WDR76: variants seen among roughly 807,000 people sequenced by gnomAD.
WDR76 encodes WD repeat domain 76.
Under a neutral mutation model 70.2 loss-of-function variants are expected in WDR76, and 52 were observed. That is an observed-to-expected ratio of 0.74 (90% CI 0.59 to 0.93). The LOEUF (loss-of-function observed/expected upper bound fraction) is 0.93, where lower values mean the gene tolerates loss of function less well. WDR76 is among the 40% of genes least tolerant of loss of function. The probability of loss-of-function intolerance (pLI) is 0.00; values close to 1 mark genes in which losing one functional copy is unlikely to be tolerated. For missense variants in WDR76, 756 were observed against 760.2 expected (o/e 0.99, Z 0.07); for synonymous variants, 292 against 271.1 (o/e 1.08, Z -0.76).
intron 2 of WDR76, among the ~76,000 whole-genome samples, chr15:43,833,930 C>A (rs1029495605): frequency 3.3e-5 from 5 of 152,086 alleles, no homozygotes; most frequent in African/African-American, 1.2e-4. Context: ...CCACCACACC[C>A]GGCCTGCCAT....
At chr15:43,861,832 A>ATTTTTTTT (rs898404641) in intron 12 of WDR76, among the ~76,000 whole-genome samples, 83 of 104,732 alleles carry the variant, frequency 7.9e-4, no homozygotes, top group Non-Finnish European at 1.2e-3. Context: ...GTATTTGTGT[A>ATTTTTTTT]TTTTTTTTTT....
intron 2 of WDR76, among the ~76,000 whole-genome samples, chr15:43,829,240 G>A (rs1296194328): frequency 1.3e-5 from 2 of 152,000 alleles, no homozygotes; most frequent in South Asian, 2.1e-4. Flanking sequence ...TACCAGGAGC[G>A]CCGTGCTCCA....
rs957538712 is a variant in WDR76, at chr15:43,827,980, G to C, written c.76G>C (p.Glu26Gln). The stretch of plus-strand genomic sequence containing the variant: ...ATCTGAATAGGTAAATGAATATAAA[G>C]AAAATCAAAACATCGCTTATGTGTC... The part of the protein sequence containing the change: ...RPQMKVNEYK[E>Q]NQNIAYVSLR... The change falls in exon 2 of 13, where the codon GAA becomes CAA. Residue 26 changes from glutamate to glutamine, a missense_variant. Glu to Gln is a conservative substitution (Grantham distance 29). Transcript: ENST00000263795. 8.1e-6 allele frequency: 13 copies of C among 1,604,490 alleles called. No homozygotes were observed. The highest frequency in any genetic ancestry group is 1.1e-5 in the Non-Finnish European group (13 of 1,177,400).
intron 11 of WDR76, among the ~76,000 whole-genome samples, chr15:43,859,555 G>GT (rs2087971019): frequency 1.3e-5 from 2 of 152,184 alleles, no homozygotes; most frequent in Non-Finnish European, 2.9e-5. Context: ...ATGGCACCCA[G>GT]TTTCTGTTTA....
At chr15:43,839,125 G>A (rs998797081) in intron 4 of WDR76, among the ~76,000 whole-genome samples, 1 of 152,182 alleles carries the variant, frequency 6.6e-6, no homozygotes, top group Non-Finnish European at 1.5e-5. Flanking sequence ...AAACTACAGT[G>A]TATGGAAGGG....
chr15:43,848,819 TC>T (rs2087820164), intron 8 of WDR76, among the ~76,000 whole-genome samples: 1 of 151,740 alleles, frequency 6.6e-6, no homozygotes, highest in Non-Finnish European at 1.5e-5. Flanking sequence ...GCACCTGTAA[TC>T]CCAGCCACTT....
chr15:43,849,826 G>T (rs527289900), intron 8 of WDR76, among the ~76,000 whole-genome samples: 2 of 152,242 alleles, frequency 1.3e-5, no homozygotes, highest in African/African-American at 4.8e-5. Flanking sequence ...GAGCCACCGC[G>T]CCTGGCCTGG....
chr15:43,852,405 TCTGTCGCCCAGG>T (rs1464563429), intron 9 of WDR76, among the ~76,000 whole-genome samples: 1 of 151,036 alleles, frequency 6.6e-6, no homozygotes, highest in Non-Finnish European at 1.5e-5. Flanking sequence ...GGAGTCTCAC[TCTGTCGCCCAGG>T]CTGGAGTGCA....
Position 43,858,784 on chromosome 15 carries a change from G to T in WDR76, c.1523G>T (p.Gly508Val). The T allele has an allele frequency of 6.2e-7, 1 of 1,614,096 alleles. No homozygotes were observed. Among genetic ancestry groups the T allele is most frequent in the Non-Finnish European group, 8.5e-7 (1 of 1,179,982 alleles). Residue 508 changes from glycine (G) to valine (V), a missense_variant, in exon 11 of 13, where the codon GGT (glycine) becomes GTT (valine). Physicochemically the swap from Gly to Val is moderately radical, Grantham distance 109 (BLOSUM62 -3). Transcript: ENST00000263795. ...TCCGCCTATTTTTCACCTCTTACTGGTAACAGAGTGGTGACCACATGTGCT... is the reference window on the plus strand; with the variant it reads ...TCCGCCTATTTTTCACCTCTTACTGTTAACAGAGTGGTGACCACATGTGCT... ...IASAYFSPLT[G>V]NRVVTTCADC...
At chr15:43,850,320 G>A (rs1418763970) in intron 8 of WDR76, among the ~76,000 whole-genome samples, 2 of 147,494 alleles carry the variant, frequency 1.4e-5, no homozygotes, top group South Asian at 4.3e-4. Flanking sequence ...TTTTGAGACG[G>A]AGTCTTGCTC....
At position 43,837,123 on chromosome 15, in the gene WDR76, C is replaced by G. The variant is rs77285423; in HGVS notation, c.608+907C>G. Reference sequence around the variant, plus strand: ...AAGTGGTAGCTTTAGGATTTGAACTCAAGGGTGTTTAAATTTTGAATTATC... The same window carrying G: ...AAGTGGTAGCTTTAGGATTTGAACTGAAGGGTGTTTAAATTTTGAATTATC... On this transcript the variant is annotated intron_variant, in intron 4 of 12. Coordinates refer to ENST00000263795, the MANE Select transcript of WDR76 (RefSeq NM_024908.4). Among the ~76,000 whole-genome samples, 23 of 151,750 alleles carry G rather than the reference C, an allele frequency of 1.5e-4. No individual in the cohort carries two copies. In the East Asian group the frequency reaches 4.1e-3, roughly 27 times the overall value.
At chr15:43,837,853 A>G (rs1197584815) in intron 4 of WDR76, among the ~76,000 whole-genome samples, 1 of 149,900 alleles carries the variant, frequency 6.7e-6, no homozygotes, top group Non-Finnish European at 1.5e-5. Flanking sequence ...TTTTGTGGTA[A>G]TATTTCCTTG....
intron 2 of WDR76, among the ~76,000 whole-genome samples, chr15:43,832,037 G>A (rs986301387): frequency 6.6e-6 from 1 of 152,094 alleles, no homozygotes; most frequent in East Asian, 1.9e-4. Flanking sequence ...GTGAGCCACT[G>A]CACCTGGCCC....
intron 9 of WDR76, among the ~76,000 whole-genome samples, chr15:43,852,272 C>A (rs1010894623): frequency 1.3e-5 from 2 of 152,088 alleles, no homozygotes; most frequent in Non-Finnish European, 2.9e-5. Flanking sequence ...CAACTTCTGC[C>A]TCCCAGGTTC....
chr15:43,851,394 C>A, intron 9 of WDR76, 149 bp downstream of exon 9: 1 of 1,115,822 alleles, frequency 9.0e-7, no homozygotes. Context: ...CCCAGATCAT[C>A]TGTTACTAGT....
At chr15:43,854,665 A>G (rs1041973260) in intron 9 of WDR76, among the ~76,000 whole-genome samples, 1 of 151,890 alleles carries the variant, frequency 6.6e-6, no homozygotes, top group African/African-American at 2.4e-5. Flanking sequence ...ATCAAGATAT[A>G]GAGCTGGGCG....
chr15:43,864,045 G>C (rs935295294), intron 12 of WDR76: 1 of 152,184 alleles, frequency 6.6e-6, no homozygotes, highest in African/African-American at 2.4e-5. Context: ...AGGTCATGTG[G>C]TATATGTCTT....
At chr15:43,856,420 T>C (rs2087927562) in intron 9 of WDR76, among the ~76,000 whole-genome samples, 2 of 152,184 alleles carry the variant, frequency 1.3e-5, no homozygotes, top group Admixed American at 6.6e-5. Context: ...CATATTAAAA[T>C]ATAATTTCAA....
At chr15:43,858,177 C>T (rs563455616) in intron 10 of WDR76, among the ~76,000 whole-genome samples, 19 of 151,816 alleles carry the variant, frequency 1.3e-4, no homozygotes, top group East Asian at 5.8e-4. Context: ...GTGATCCACC[C>T]GCCTTGGCCT....
Sources: allele counts gnomAD v4.1 joint callset (sites outside exome capture counted in the v4.1 genomes callset), GRCh38; gene constraint gnomAD v4.1.1; transcripts MANE v1.5; gene names NCBI Gene and HGNC (gene_info 2026-07-23, HGNC 2026-07-21).